Variants in GTPBP6 observed in about 807,000 individuals in gnomAD.
GTPBP6 encodes the protein GTP binding protein 6.
Under a neutral mutation model 28.9 loss-of-function variants are expected in GTPBP6, and 33 were observed. The observed-to-expected ratio is 1.14, with a 90% CI of 0.87 to 1.53. The LOEUF (loss-of-function observed/expected upper bound fraction) is 1.53, where lower values mean the gene tolerates loss of function less well. Among genes scored for constraint, GTPBP6 ranks in the 40% most tolerant of loss-of-function variants. The probability of loss-of-function intolerance (pLI) is 0.00; values close to 1 mark genes in which losing one functional copy is unlikely to be tolerated. For missense variants in GTPBP6, 507 were observed against 408.3 expected (o/e 1.24, Z -2.08); for synonymous variants, 231 against 192.7 (o/e 1.20, Z -1.65).
chrX:312,537 C>G, intron 6 of GTPBP6: 2 of 697,342 alleles, frequency 2.9e-6, no homozygotes, highest in Non-Finnish European at 5.2e-6. Context: ...CTCACCTTGG[C>G]TGCTGTACCC....
intron 4 of GTPBP6, 79 bp from the exon 5 acceptor site, chrX:314,296 G>A (rs2070382925): frequency 1.7e-6 from 2 of 1,204,464 alleles, no homozygotes; most frequent in East Asian, 2.4e-5. Flanking sequence ...AGGTGAAGGG[G>A]GCACTGAGCT....
exon 7 of GTPBP6, chrX:311,549 A>G (rs1156903741): frequency 2.5e-6 from 4 of 1,612,216 alleles, no homozygotes; most frequent in Admixed American, 3.3e-5. Context: ...GTGGGCCGTG[A>G]CGTCCAGCGT....
chrX:307,363 A>T, exon 9 of GTPBP6: 1 of 1,611,958 alleles, frequency 6.2e-7, no homozygotes, highest in Non-Finnish European at 8.5e-7. Flanking sequence ...CGCTCACCTG[A>T]GCTGCGCCCC....
At chrX:317,083 G>A (rs1184209029) in intron 1 of GTPBP6, 32 bp from the exon 2 acceptor site, 2 of 393,440 alleles carry the variant, frequency 5.1e-6, no homozygotes, top group Non-Finnish European at 8.9e-6. Flanking sequence ...CGTGAGAGAC[G>A]CTTCTGCCCG....
At chrX:318,394 G>A in intron 1 of GTPBP6, 45 bp downstream of exon 1, 1 of 221,276 alleles carries the variant, frequency 4.5e-6, no homozygotes, top group Non-Finnish European at 8.5e-6. Flanking sequence ...CCCGCCCCCA[G>A]GTCTCCAGCT....
chrX:309,454 G>A (rs1256735375), intron 7 of GTPBP6, among the ~76,000 whole-genome samples: 5 of 143,522 alleles, frequency 3.5e-5, no homozygotes, highest in Non-Finnish European at 6.1e-5. Flanking sequence ...CGACCGACCG[G>A]TATGTTTACG....
intron 9 of GTPBP6, among the ~76,000 whole-genome samples, 181 bp from the exon 10 acceptor site, chrX:305,378 G>C (rs1336011799): frequency 6.7e-6 from 1 of 148,422 alleles, no homozygotes; most frequent in Non-Finnish European, 1.5e-5. Flanking sequence ...CTGGAGTGCA[G>C]TGGCGCGATC....
At chrX:318,530 C>A (rs1439403657) in exon 1 of GTPBP6, 8 of 398,456 alleles carry the variant, frequency 2.0e-5, no homozygotes, top group Middle Eastern at 6.2e-4. Flanking sequence ...GAGGCTCTCC[C>A]CGCAGCAGCT....
chrX:312,539 G>A, intron 6 of GTPBP6: 2 of 698,644 alleles, frequency 2.9e-6, no homozygotes, highest in South Asian at 1.5e-5. Flanking sequence ...CACCTTGGCT[G>A]CTGTACCCCA....
exon 9 of GTPBP6, chrX:307,370 C>A (rs749180284): frequency 6.2e-7 from 1 of 1,612,216 alleles, no homozygotes; most frequent in Admixed American, 1.7e-5. Flanking sequence ...CTGAGCTGCG[C>A]CCCTGCGAGC....
chrX:318,441 C>A (rs1301491021), exon 1 of GTPBP6: 4 of 398,406 alleles, frequency 1.0e-5, no homozygotes, highest in Non-Finnish European at 1.8e-5. Flanking sequence ...GCGGTCACCT[C>A]GAGTCATCTG....
intron 9 of GTPBP6, among the ~76,000 whole-genome samples, chrX:306,502 T>A (rs1242526474): frequency 6.8e-6 from 1 of 146,360 alleles, no homozygotes; most frequent in Non-Finnish European, 1.5e-5. Flanking sequence ...AGGCACCTGT[T>A]GTATGCACAG....
chrX:310,540 G>C (rs9652805), intron 7 of GTPBP6, among the ~76,000 whole-genome samples: 4,227 of 106,558 alleles, frequency 0.04, no homozygotes, highest in Admixed American at 0.082. Context: ...ATGTGATTAA[G>C]TGGAAGATCT....
chrX:307,491 G>A (rs371522881), exon 9 of GTPBP6: 48 of 1,611,226 alleles, frequency 3.0e-5, no homozygotes, highest in African/African-American at 9.3e-5. Flanking sequence ...CGGGCACGAC[G>A]TTCGGTTCCG....
chrX:308,028 C>T (rs1170246652), intron 7 of GTPBP6, 148 bp from the exon 8 acceptor site: 6 of 628,220 alleles, frequency 9.6e-6, no homozygotes, highest in Non-Finnish European at 1.4e-5. Flanking sequence ...CTCGGACACC[C>T]CAGGACGGGG....
At chrX:312,810 C>T (rs775969895) in exon 6 of GTPBP6, 7 of 1,612,674 alleles carry the variant, frequency 4.3e-6, no homozygotes, top group South Asian at 1.1e-5. Flanking sequence ...GAACTCCCGC[C>T]TCGTCCGCTG....
At chrX:312,698 TC>T in intron 6 of GTPBP6, 67 bp downstream of exon 6, 1 of 1,469,876 alleles carries the variant, frequency 6.8e-7, no homozygotes. Flanking sequence ...CCCCCTGCCC[TC>T]CCCCGGGCGA....
At chrX:311,680 T>C (rs2070303699) in intron 6 of GTPBP6, 53 bp from the exon 7 acceptor site, 1 of 1,416,888 alleles carries the variant, frequency 7.1e-7, no homozygotes, top group East Asian at 2.3e-5. Context: ...TCCCAACTCC[T>C]AGCGCCGCAG....
At chrX:307,880 C>T in exon 8 of GTPBP6, 1 of 1,519,142 alleles carries the variant, frequency 6.6e-7, no homozygotes, top group Non-Finnish European at 8.8e-7. Context: ...AAGATGAGAT[C>T]CTGTGGGCCG....
Sources: allele counts gnomAD v4.1 joint callset (sites outside exome capture counted in the v4.1 genomes callset), GRCh38; gene constraint gnomAD v4.1.1; transcripts MANE v1.5; gene names NCBI Gene and HGNC (gene_info 2026-07-23, HGNC 2026-07-21).